The following SCHIP1 variants were observed in gnomAD, a reference collection of about 807,000 sequenced individuals.
SCHIP1 encodes schwannomin-interacting protein 1.
A neutral mutation model predicts 29.7 loss-of-function variants in SCHIP1; 8 were observed. The observed-to-expected ratio is 0.27, with a 90% CI of 0.16 to 0.49. The LOEUF (loss-of-function observed/expected upper bound fraction) is 0.49. Ranked by LOEUF, SCHIP1 falls within the 20% of genes least tolerant of loss-of-function variation. The pLI is 0.99. For missense variants in SCHIP1, 193 were observed against 294.6 expected, an observed-to-expected ratio of 0.66 and a Z score of 2.52; for synonymous variants, 76 against 94.9, an observed-to-expected ratio of 0.80 and a Z score of 1.16.
At chr3:159,784,797 A>G in the SCHIP1 span, among the ~76,000 whole-genome samples, 2 of 152,238 alleles carry the variant, frequency 1.3e-5, no homozygotes, top group East Asian at 3.9e-4. Flanking sequence ...GAGACTACAG[A>G]CGCGTGCCAC....
chr3:159,733,018 A>G, the SCHIP1 span, among the ~76,000 whole-genome samples: 1 of 152,206 alleles, frequency 6.6e-6, no homozygotes, highest in African/African-American at 2.4e-5. Context: ...GACTAAATAA[A>G]TAAACAAGAC....
the SCHIP1 span, among the ~76,000 whole-genome samples, chr3:159,613,684 C>T: frequency 6.6e-6 from 1 of 152,192 alleles, no homozygotes; most frequent in African/African-American, 2.4e-5. Context: ...GAGAAGCCAA[C>T]AAGATCTACT....
At chr3:159,343,647 C>T in the SCHIP1 span, among the ~76,000 whole-genome samples, 2 of 152,250 alleles carry the variant, frequency 1.3e-5, no homozygotes, top group South Asian at 2.1e-4. Context: ...AATCACAGGA[C>T]CAAGTCCCAA....
At chr3:159,513,777 G>A in the SCHIP1 span, among the ~76,000 whole-genome samples, 2 of 152,200 alleles carry the variant, frequency 1.3e-5, no homozygotes, top group Non-Finnish European at 2.9e-5. Flanking sequence ...GAGATTGCAT[G>A]CCGCCCAATC....
the SCHIP1 span, among the ~76,000 whole-genome samples, chr3:159,761,925 T>A: frequency 6.6e-6 from 1 of 152,330 alleles, no homozygotes; most frequent in South Asian, 2.1e-4. Context: ...AAACTTGGAA[T>A]GAAACCACAA....
At chr3:159,478,465 G>A in the SCHIP1 span, among the ~76,000 whole-genome samples, 1 of 152,062 alleles carries the variant, frequency 6.6e-6, no homozygotes, top group Non-Finnish European at 1.5e-5. Flanking sequence ...CCAGTACCAT[G>A]CTGTTTTGAT....
chr3:159,791,953 T>C, the SCHIP1 span, among the ~76,000 whole-genome samples: 1 of 152,212 alleles, frequency 6.6e-6, no homozygotes, highest in Non-Finnish European at 1.5e-5. Flanking sequence ...CGGGTAATAT[T>C]CTTATTTAAC....
chr3:159,535,818 T>A, the SCHIP1 span, among the ~76,000 whole-genome samples: 1 of 152,174 alleles, frequency 6.6e-6, no homozygotes, highest in Non-Finnish European at 1.5e-5. Context: ...ATATTATTTG[T>A]GTGTGTGTCT....
At chr3:159,336,518 G>A in the SCHIP1 span, among the ~76,000 whole-genome samples, 424 of 152,178 alleles carry the variant, frequency 2.8e-3, 15 homozygotes, top group East Asian at 0.073. Context: ...ATTAATTTTT[G>A]TATAAGGTGT....
the SCHIP1 span, among the ~76,000 whole-genome samples, chr3:159,366,154 A>C: frequency 2.6e-5 from 4 of 152,238 alleles, no homozygotes; most frequent in East Asian, 7.7e-4. Flanking sequence ...CAGGCATGTC[A>C]CAGGGCAAAA....
the SCHIP1 span, among the ~76,000 whole-genome samples, chr3:159,326,667 C>A: frequency 6.6e-6 from 1 of 151,984 alleles, no homozygotes; most frequent in Non-Finnish European, 1.5e-5. Context: ...TTCATTTGGT[C>A]TTCTTACAAA....
chr3:159,522,535 T>A, the SCHIP1 span, among the ~76,000 whole-genome samples: 1 of 152,156 alleles, frequency 6.6e-6, no homozygotes, highest in South Asian at 2.1e-4. Flanking sequence ...ATAGATTAGA[T>A]GAATAAAGAA....
the SCHIP1 span, among the ~76,000 whole-genome samples, chr3:159,601,300 G>A: frequency 2.6e-5 from 4 of 152,086 alleles, no homozygotes; most frequent in African/African-American, 9.7e-5. Flanking sequence ...CTGTGGTATG[G>A]AATCACCCCC....
At chr3:159,651,854 T>C in the SCHIP1 span, among the ~76,000 whole-genome samples, 1 of 152,174 alleles carries the variant, frequency 6.6e-6, no homozygotes, top group Admixed American at 6.6e-5. Flanking sequence ...AGGTCCACTT[T>C]GGGAGGCTGA....
At chr3:159,714,567 G>A in the SCHIP1 span, among the ~76,000 whole-genome samples, 1 of 152,208 alleles carries the variant, frequency 6.6e-6, no homozygotes, top group Admixed American at 6.5e-5. Context: ...TTTTCCAATG[G>A]TCTTAGCAAA....
intron 1 of SCHIP1, chr3:159,853,461 A>G (rs1454730142): frequency 1.4e-6 from 1 of 695,706 alleles, no homozygotes; most frequent in Non-Finnish European, 2.6e-6. Flanking sequence ...TAAAAAGGTA[A>G]GGGGGGAGAG....
chr3:159,401,426 G>C, the SCHIP1 span: 1 of 909,518 alleles, frequency 1.1e-6, no homozygotes, highest in African/African-American at 1.8e-5. Context: ...AATAAAAATA[G>C]CTACCAGTTT....
chr3:159,391,607 C>G, the SCHIP1 span, among the ~76,000 whole-genome samples: 1 of 152,164 alleles, frequency 6.6e-6, no homozygotes, highest in African/African-American at 2.4e-5. Flanking sequence ...GCCTCAGAAC[C>G]TGTTCCTAAT....
chr3:159,837,621 G>A (rs749030021), upstream of SCHIP1, among the ~76,000 whole-genome samples: 4 of 152,118 alleles, frequency 2.6e-5, no homozygotes, highest in Non-Finnish European at 5.9e-5. Context: ...TACTCCGGGG[G>A]CTGAGGCGGA....
Sources: allele counts gnomAD v4.1 joint callset (sites outside exome capture counted in the v4.1 genomes callset), GRCh38; gene constraint gnomAD v4.1.1; transcripts MANE v1.5; gene names NCBI Gene and HGNC (gene_info 2026-07-23, HGNC 2026-07-21).